ASPRV1: variants seen among roughly 807,000 people sequenced by gnomAD.
ASPRV1 encodes the protein aspartic peptidase retroviral like 1, also known as retroviral-like aspartic protease 1.
A neutral mutation model predicts 11.0 loss-of-function variants in ASPRV1; 7 were observed. That is an observed-to-expected ratio of 0.64 (90% confidence interval 0.36 to 1.20). The LOEUF is 1.20. Among genes scored for constraint, ASPRV1 ranks in the 50% most tolerant of loss-of-function variants. ASPRV1 has a pLI of 0.02. For missense variants in ASPRV1, 299 were observed against 320.0 expected (o/e 0.93, Z 0.50); for synonymous variants, 136 against 138.4 (o/e 0.98, Z 0.12).
chr2:70,036,681 T>C, the ASPRV1 span, among the ~76,000 whole-genome samples: 1 of 152,216 alleles, frequency 6.6e-6, no homozygotes, highest in Non-Finnish European at 1.5e-5. Context: ...TTTTTATTTT[T>C]TTCCAAGACA....
chr2:69,977,638 A>C, the ASPRV1 span, among the ~76,000 whole-genome samples: 1 of 152,120 alleles, frequency 6.6e-6, no homozygotes, highest in Admixed American at 6.5e-5. Context: ...TACCTGGCCC[A>C]TTACCACCTA....
the ASPRV1 span, among the ~76,000 whole-genome samples, chr2:70,085,386 T>G: frequency 6.6e-6 from 1 of 152,150 alleles, no homozygotes; most frequent in Admixed American, 6.5e-5. Flanking sequence ...GTGTAGCTCT[T>G]ATCAGGAAAA....
chr2:70,062,468 GC>G, the ASPRV1 span, among the ~76,000 whole-genome samples: 2 of 150,824 alleles, frequency 1.3e-5, no homozygotes, highest in Non-Finnish European at 2.9e-5. Flanking sequence ...AGTATCCAGC[GC>G]CCCCTCTCTC....
At chr2:70,073,901 A>C in the ASPRV1 span, among the ~76,000 whole-genome samples, 2 of 151,950 alleles carry the variant, frequency 1.3e-5, no homozygotes, top group Non-Finnish European at 2.9e-5. Flanking sequence ...TGGGAGGCCG[A>C]AATGGGCAGA....
chr2:70,053,558 T>C, the ASPRV1 span, among the ~76,000 whole-genome samples: 1 of 152,188 alleles, frequency 6.6e-6, no homozygotes, highest in Non-Finnish European at 1.5e-5. Context: ...TACTACTGAA[T>C]TTAAGACGCC....
At chr2:70,027,283 A>AAAC in the ASPRV1 span, among the ~76,000 whole-genome samples, 1 of 147,562 alleles carries the variant, frequency 6.8e-6, no homozygotes, top group Non-Finnish European at 1.5e-5. Flanking sequence ...AAAAAAAAAA[A>AAAC]AGCGGGGGGT....
the ASPRV1 span, among the ~76,000 whole-genome samples, chr2:70,057,091 C>A: frequency 6.6e-6 from 1 of 151,418 alleles, no homozygotes; most frequent in African/African-American, 2.4e-5. Context: ...AAAAATTCAG[C>A]AACAGAGAAG....
At chr2:70,041,997 C>G in the ASPRV1 span, among the ~76,000 whole-genome samples, 1 of 152,044 alleles carries the variant, frequency 6.6e-6, no homozygotes, top group African/African-American at 2.4e-5. Context: ...TCTGGAATTA[C>G]TCTATTTGAT....
At chr2:70,066,102 G>A in the ASPRV1 span, among the ~76,000 whole-genome samples, 1 of 151,876 alleles carries the variant, frequency 6.6e-6, no homozygotes, top group Non-Finnish European at 1.5e-5. Flanking sequence ...CCAGCACTTT[G>A]GGAGGCTGAG....
At chr2:70,085,330 C>G in the ASPRV1 span, among the ~76,000 whole-genome samples, 6 of 152,134 alleles carry the variant, frequency 3.9e-5, no homozygotes, top group South Asian at 1.2e-3. Context: ...CCTATCCTCA[C>G]CAGACACTGC....
chr2:70,064,321 C>T, the ASPRV1 span, among the ~76,000 whole-genome samples: 22 of 152,126 alleles, frequency 1.4e-4, no homozygotes, highest in African/African-American at 5.1e-4. Context: ...AGTGCCCCAC[C>T]TCAAAGGTCC....
chr2:69,971,382 C>T, the ASPRV1 span: 1 of 152,016 alleles, frequency 6.6e-6, no homozygotes, highest in Non-Finnish European at 1.5e-5. Context: ...TGATCCCCAC[C>T]CACCATTTGG....
the ASPRV1 span, among the ~76,000 whole-genome samples, chr2:70,052,850 C>A: frequency 6.6e-6 from 1 of 152,106 alleles, no homozygotes; most frequent in Non-Finnish European, 1.5e-5. Context: ...TATTTTCATC[C>A]CCTACAAAAC....
chr2:69,941,641 C>T, the ASPRV1 span: 1 of 152,122 alleles, frequency 6.6e-6, no homozygotes, highest in African/African-American at 2.4e-5. Context: ...AACAAAGGGG[C>T]CTCAACCTGA....
At chr2:70,009,230 T>A in the ASPRV1 span, among the ~76,000 whole-genome samples, 9 of 152,318 alleles carry the variant, frequency 5.9e-5, no homozygotes, top group African/African-American at 1.9e-4. Flanking sequence ...AGAGCATTTA[T>A]ATACTTGTCT....
the ASPRV1 span, among the ~76,000 whole-genome samples, chr2:70,047,737 A>G: frequency 6.6e-6 from 1 of 152,232 alleles, no homozygotes; most frequent in African/African-American, 2.4e-5. Context: ...CTACAGTCAG[A>G]AGCCTCCCGA....
upstream of ASPRV1, chr2:69,963,225 G>A (rs1190772910): frequency 2.2e-6 from 1 of 454,874 alleles, no homozygotes; most frequent in Non-Finnish European, 4.4e-6. Flanking sequence ...CCTGGCTAAG[G>A]TGGGGCCATT....
the ASPRV1 span, among the ~76,000 whole-genome samples, chr2:70,006,072 C>T: frequency 6.6e-6 from 1 of 152,344 alleles, no homozygotes; most frequent in African/African-American, 2.4e-5. Context: ...CCTCTTTCTA[C>T]CCACTAGATG....
At chr2:70,020,977 T>C in the ASPRV1 span, among the ~76,000 whole-genome samples, 7 of 152,324 alleles carry the variant, frequency 4.6e-5, no homozygotes, top group East Asian at 1.3e-3. Context: ...TACTGAACAG[T>C]ATACTTAAAA....
Sources: allele counts gnomAD v4.1 joint callset (sites outside exome capture counted in the v4.1 genomes callset), GRCh38; gene constraint gnomAD v4.1.1; transcripts MANE v1.5; gene names NCBI Gene and HGNC (gene_info 2026-07-23, HGNC 2026-07-21).